PTCHD4: variants seen among roughly 807,000 people sequenced by gnomAD.
The protein encoded by PTCHD4 is patched domain-containing protein 4.
A neutral mutation model predicts 58.1 loss-of-function variants in PTCHD4; 33 were observed. The ratio of observed to expected loss-of-function variants is 0.57; its 90% CI spans 0.43 to 0.76. PTCHD4 has a LOEUF of 0.76. Among genes scored for constraint, PTCHD4 ranks in the 30% least tolerant of loss-of-function variants. The probability of loss-of-function intolerance (pLI) is 0.00; values close to 1 mark genes in which losing one functional copy is unlikely to be tolerated. For synonymous variants in PTCHD4, 478 were observed against 409.6 expected, an observed-to-expected ratio of 1.17 and a Z score of -2.02; for missense variants, 1,058 against 1,027.1, an observed-to-expected ratio of 1.03 and a Z score of -0.41.
intron 3 of PTCHD4, among the ~76,000 whole-genome samples, chr6:48,032,066 ACC>A (rs59150380): frequency 6.6e-6 from 1 of 151,228 alleles, no homozygotes; most frequent in Non-Finnish European, 1.5e-5. Flanking sequence ...TTCTCCACAA[ACC>A]CCAGGCATTT....
At chr6:48,040,198 G>T (rs1032145792) in intron 3 of PTCHD4, among the ~76,000 whole-genome samples, 1 of 152,066 alleles carries the variant, frequency 6.6e-6, no homozygotes, top group African/African-American at 2.4e-5. Flanking sequence ...GGGTAATAAG[G>T]TTGGTCTATC....
At chr6:48,103,785 C>A (rs983769878) in intron 1 of PTCHD4, among the ~76,000 whole-genome samples, 1 of 152,118 alleles carries the variant, frequency 6.6e-6, no homozygotes, top group African/African-American at 2.4e-5. Flanking sequence ...AACCAAGGCA[C>A]CAGAACTACG....
chr6:48,063,503 G>A (rs1350033489), intron 3 of PTCHD4, among the ~76,000 whole-genome samples: 1 of 152,132 alleles, frequency 6.6e-6, no homozygotes, highest in African/African-American at 2.4e-5. Context: ...TTGTATTGTG[G>A]TTAAGAATAT....
chr6:47,966,049 T>C (rs756495816), intron 4 of PTCHD4, among the ~76,000 whole-genome samples: 4 of 152,210 alleles, frequency 2.6e-5, no homozygotes, highest in Non-Finnish European at 5.9e-5. Context: ...ATAGATGACA[T>C]ACTTCAGAAT....
intron 4 of PTCHD4, among the ~76,000 whole-genome samples, chr6:47,948,742 A>G (rs766766703): frequency 3.3e-5 from 5 of 152,092 alleles, no homozygotes; most frequent in African/African-American, 4.8e-5. Flanking sequence ...GTATATCTGA[A>G]TGTGGAGCAG....
At chr6:48,080,538 G>T (rs1253402708) in intron 1 of PTCHD4, among the ~76,000 whole-genome samples, 2 of 152,170 alleles carry the variant, frequency 1.3e-5, no homozygotes, top group African/African-American at 4.8e-5. Flanking sequence ...TTCCTACATA[G>T]ACTGTAGGCT....
Position 47,875,529 on chromosome 6 carries a change from A to C in PTCHD4, c.*2774T>G, listed in dbSNP as rs1763825323. ...TAACTCTTCCAGAACAAATAATTCC[A>C]TTTCAGTAAATTATTGCTACAGTTC... On this transcript the variant is annotated 3_prime_UTR_variant, in exon 5 of 5. Coordinates refer to ENST00000339488, the MANE Select transcript of PTCHD4 (RefSeq NM_001384253.1). Among the ~76,000 whole-genome samples, 1 of 151,800 alleles carries C rather than the reference A, an allele frequency of 6.6e-6. No individual in the cohort carries two copies. The highest frequency in any genetic ancestry group is 1.5e-5 in the Non-Finnish European group (1 of 67,826).
chr6:47,957,142 G>A (rs1766895808), intron 4 of PTCHD4, among the ~76,000 whole-genome samples: 1 of 150,548 alleles, frequency 6.6e-6, no homozygotes, highest in South Asian at 2.1e-4. Context: ...TCCAGCCTGG[G>A]TGACAGAGTG....
intron 3 of PTCHD4, among the ~76,000 whole-genome samples, chr6:48,010,228 G>C (rs1406369426): frequency 1.3e-5 from 2 of 152,172 alleles, no homozygotes; most frequent in African/African-American, 4.8e-5. Flanking sequence ...TGTCACAGTA[G>C]ACTGTGTGTC....
At chr6:47,961,379 C>T (rs1464485011) in intron 4 of PTCHD4, among the ~76,000 whole-genome samples, 1 of 151,830 alleles carries the variant, frequency 6.6e-6, no homozygotes, top group African/African-American at 2.4e-5. Context: ...GCAACCTCCA[C>T]CTCCCAGGTT....
intron 4 of PTCHD4, among the ~76,000 whole-genome samples, chr6:47,888,211 G>C (rs1425447067): frequency 6.6e-6 from 1 of 151,424 alleles, no homozygotes; most frequent in East Asian, 2.0e-4. Context: ...CAAAAAATTA[G>C]CCGGGTGTGG....
chr6:47,926,759 TCA>T (rs760336449), intron 4 of PTCHD4, among the ~76,000 whole-genome samples: 3 of 152,204 alleles, frequency 2.0e-5, no homozygotes, highest in Non-Finnish European at 2.9e-5. Flanking sequence ...GCAAATAGCC[TCA>T]GTTTTCTGAT....
intron 4 of PTCHD4, among the ~76,000 whole-genome samples, chr6:47,945,281 T>A (rs1205104527): frequency 6.6e-6 from 1 of 152,160 alleles, no homozygotes; most frequent in African/African-American, 2.4e-5. Flanking sequence ...CAGAGTAGAA[T>A]TCAGTTATTC....
chr6:48,063,861 C>G (rs970669961), intron 3 of PTCHD4, among the ~76,000 whole-genome samples: 1 of 152,098 alleles, frequency 6.6e-6, no homozygotes, highest in African/African-American at 2.4e-5. Flanking sequence ...GAAAATTTCC[C>G]CAAGTAATGC....
At chr6:48,092,777 C>T (rs907162737) in intron 1 of PTCHD4, among the ~76,000 whole-genome samples, 1 of 152,172 alleles carries the variant, frequency 6.6e-6, no homozygotes, top group Admixed American at 6.5e-5. Flanking sequence ...TCACCAACTC[C>T]CCTTCCCTAG....
At chr6:47,892,970 C>A (rs1200432862) in intron 4 of PTCHD4, among the ~76,000 whole-genome samples, 4 of 152,168 alleles carry the variant, frequency 2.6e-5, no homozygotes, top group Non-Finnish European at 5.9e-5. Flanking sequence ...ACCAGAACTT[C>A]CTTTTTGATT....
chr6:48,104,833 C>A (rs1158462250), intron 1 of PTCHD4, among the ~76,000 whole-genome samples: 1 of 151,998 alleles, frequency 6.6e-6, no homozygotes, highest in Non-Finnish European at 1.5e-5. Context: ...TTTAAACCAA[C>A]AAAGATCAAA....
chr6:47,962,257 T>G (rs933341167), intron 4 of PTCHD4, among the ~76,000 whole-genome samples: 1 of 152,198 alleles, frequency 6.6e-6, no homozygotes, highest in Non-Finnish European at 1.5e-5. Context: ...TATATGGCCT[T>G]TGCAGATTAA....
intron 3 of PTCHD4, among the ~76,000 whole-genome samples, chr6:48,067,234 A>T (rs1373489796): frequency 1.3e-5 from 2 of 152,222 alleles, no homozygotes; most frequent in Non-Finnish European, 2.9e-5. Context: ...CAATCTTGAC[A>T]GTGTAGAATG....
Sources: gnomAD v4.1 joint callset for allele counts (sites outside exome capture counted in the v4.1 genomes callset) on GRCh38, gnomAD v4.1.1 for gene constraint, MANE v1.5 for transcripts, NCBI Gene and HGNC (gene_info 2026-07-23, HGNC 2026-07-21) for gene names.